KIAA1217: variants seen among roughly 807,000 people sequenced by gnomAD.
KIAA1217 encodes sickle tail protein homolog.
Under a neutral mutation model 163.9 loss-of-function variants are expected in KIAA1217, and 88 were observed. The ratio of observed to expected loss-of-function variants is 0.54; its 90% CI spans 0.45 to 0.64. The LOEUF is 0.64. KIAA1217 is among the 30% of genes least tolerant of loss of function. KIAA1217 has a pLI of 0.00. For synonymous variants in KIAA1217, 903 were observed against 923.1 expected, an observed-to-expected ratio of 0.98 and a Z score of 0.39; for missense variants, 2,372 against 2,475.0, an observed-to-expected ratio of 0.96 and a Z score of 0.88.
chr10:23,832,280 A>G (rs546893749), intron 1 of KIAA1217, among the ~76,000 whole-genome samples: 1 of 152,320 alleles, frequency 6.6e-6, no homozygotes, highest in East Asian at 1.9e-4. Flanking sequence ...TAAAGATTAT[A>G]AAAGATGCAG....
chr10:24,291,471 A>G (rs1351171189), intron 2 of KIAA1217, among the ~76,000 whole-genome samples: 1 of 152,182 alleles, frequency 6.6e-6, no homozygotes, highest in Non-Finnish European at 1.5e-5. Flanking sequence ...CGGAGGTTCT[A>G]GTGAGTCAAG....
chr10:24,447,224 G>C (rs932911973), intron 5 of KIAA1217, among the ~76,000 whole-genome samples: 4 of 151,438 alleles, frequency 2.6e-5, no homozygotes, highest in Non-Finnish European at 5.9e-5. Flanking sequence ...TTTAATGAAT[G>C]ATTTATATAT....
intron 17 of KIAA1217, among the ~76,000 whole-genome samples, chr10:24,541,221 C>G (rs1454035343): frequency 2.9e-5 from 4 of 138,418 alleles, no homozygotes; most frequent in Non-Finnish European, 6.6e-5. Flanking sequence ...TCTTTAAAAC[C>G]TTTTACTTGA....
At chr10:23,828,493 A>G (rs1328580072) in intron 1 of KIAA1217, among the ~76,000 whole-genome samples, 1 of 152,184 alleles carries the variant, frequency 6.6e-6, no homozygotes, top group East Asian at 1.9e-4. Context: ...ATGCCAGGCT[A>G]TCAACATTAT....
At chr10:23,771,388 G>C (rs1834787241) in intron 1 of KIAA1217, among the ~76,000 whole-genome samples, 1 of 152,094 alleles carries the variant, frequency 6.6e-6, no homozygotes. Flanking sequence ...AGATAGACTT[G>C]GGAAAATGTA....
intron 1 of KIAA1217, among the ~76,000 whole-genome samples, chr10:23,962,836 A>G (rs895907720): frequency 6.6e-6 from 1 of 152,332 alleles, no homozygotes; most frequent in African/African-American, 2.4e-5. Flanking sequence ...ATTTTTTAGA[A>G]CGGAACATGA....
At position 24,472,416 on chromosome 10, in the gene KIAA1217, C is replaced by A. The variant is rs140753542; in HGVS notation, c.847-812C>A. Among the ~76,000 whole-genome samples, 861 of 152,290 alleles carry A rather than the reference C, an allele frequency of 5.7e-3. 10 individuals are homozygous for A. Among genetic ancestry groups the A allele is most frequent in the African/African-American group, 0.02 (812 of 41,558 alleles). ...TTCCAGGTTTTCCCCCATGCATCTC[C>A]TTTCCCCCTGCTCATCTCCCTAGAT... On this transcript the variant is annotated intron_variant, in intron 5 of 20. Coordinates refer to ENST00000376454, the MANE Select transcript of KIAA1217 (RefSeq NM_019590.5).
In KIAA1217 at chr10:24,067,747, C is replaced by T. The variant is rs538484798; in HGVS notation, c.-171+60373C>T. Reference sequence around the variant, plus strand: ...CTGTGCCCTGCCCCCAGAGGTGGAGCCTACAGAGGCAGGCAGGCCTCCTTG... The same window carrying T: ...CTGTGCCCTGCCCCCAGAGGTGGAGTCTACAGAGGCAGGCAGGCCTCCTTG... On this transcript the variant is annotated intron_variant, in intron 2 of 18. Coordinates refer to the KIAA1217 transcript ENST00000376462. Among the ~76,000 whole-genome samples, 674 of 152,344 alleles carry T rather than the reference C, an allele frequency of 4.4e-3. 8 individuals carry two copies. Among genetic ancestry groups the T allele is most frequent in the African/African-American group, 0.016 (656 of 41,590 alleles).
At chr10:23,720,338 A>G (rs927981716) in intron 1 of KIAA1217, among the ~76,000 whole-genome samples, 1 of 152,196 alleles carries the variant, frequency 6.6e-6, no homozygotes, top group Non-Finnish European at 1.5e-5. Flanking sequence ...CACTTGATAA[A>G]ATAAAATTCA....
intron 2 of KIAA1217, among the ~76,000 whole-genome samples, chr10:24,362,470 G>A (rs2050156411): frequency 6.6e-6 from 1 of 152,192 alleles, no homozygotes; most frequent in Non-Finnish European, 1.5e-5. Context: ...AGAAACATAA[G>A]TAACAATCTA....
intron 1 of KIAA1217, among the ~76,000 whole-genome samples, chr10:23,740,942 C>A (rs1237311871): frequency 2.6e-5 from 4 of 151,994 alleles, no homozygotes; most frequent in Admixed American, 6.6e-5. Flanking sequence ...ACAACAACAA[C>A]AAAAAACAGG....
At chr10:23,829,084 G>C (rs1299729589) in intron 1 of KIAA1217, among the ~76,000 whole-genome samples, 3 of 152,114 alleles carry the variant, frequency 2.0e-5, no homozygotes, top group Non-Finnish European at 2.9e-5. Context: ...CAGATAAAGG[G>C]ATAAGGAAAT....
At chr10:24,210,399 T>C (rs2067921218) in intron 1 of KIAA1217, among the ~76,000 whole-genome samples, 1 of 152,066 alleles carries the variant, frequency 6.6e-6, no homozygotes, top group South Asian at 2.1e-4. Context: ...AGCACAGCAC[T>C]CTCCTTCAGG....
At chr10:23,959,817 C>T (rs1844741704) in intron 1 of KIAA1217, among the ~76,000 whole-genome samples, 1 of 151,176 alleles carries the variant, frequency 6.6e-6, no homozygotes, top group Non-Finnish European at 1.5e-5. Context: ...TCCTTGTCTT[C>T]GAGGATAAGG....
intron 2 of KIAA1217, among the ~76,000 whole-genome samples, chr10:24,200,992 TG>T (rs1244760065): frequency 6.6e-6 from 1 of 152,080 alleles, no homozygotes; most frequent in Non-Finnish European, 1.5e-5. Flanking sequence ...TTGCAGCAGC[TG>T]GGTGCCATGG....
intron 1 of KIAA1217, among the ~76,000 whole-genome samples, chr10:23,889,087 C>G (rs954700181): frequency 6.6e-5 from 10 of 151,788 alleles, no homozygotes; most frequent in African/African-American, 2.4e-4. Context: ...TTATGAACAT[C>G]TGGGTAGTTT....
intron 1 of KIAA1217, among the ~76,000 whole-genome samples, chr10:23,736,846 G>T (rs1206213458): frequency 6.6e-6 from 1 of 152,116 alleles, no homozygotes; most frequent in Non-Finnish European, 1.5e-5. Context: ...TTTGAGAGCT[G>T]TTGGTGCAAC....
chr10:24,198,628 C>T (rs7089962), intron 2 of KIAA1217, among the ~76,000 whole-genome samples: 1 of 150,740 alleles, frequency 6.6e-6, no homozygotes. Context: ...GTGTGTGCCT[C>T]GGGCTGTGGT....
chr10:24,187,302 G>A (rs1001359976), intron 2 of KIAA1217, among the ~76,000 whole-genome samples: 1 of 151,988 alleles, frequency 6.6e-6, no homozygotes, highest in African/African-American at 2.4e-5. Context: ...TAGCTGACTG[G>A]GCTAATGGTG....
Sources: gnomAD v4.1 joint callset for allele counts (sites outside exome capture counted in the v4.1 genomes callset) on GRCh38, gnomAD v4.1.1 for gene constraint, MANE v1.5 for transcripts, NCBI Gene and HGNC (gene_info 2026-07-23, HGNC 2026-07-21) for gene names.